Variants in ALG14 observed in about 807,000 individuals in gnomAD.
ALG14 encodes the protein ALG14 UDP-N-acetylglucosaminyltransferase subunit.
A neutral mutation model predicts 22.8 loss-of-function variants in ALG14; 17 were observed. That is an observed-to-expected ratio of 0.75 (90% CI 0.51 to 1.12). The LOEUF (loss-of-function observed/expected upper bound fraction) is 1.12, where lower values mean the gene tolerates loss of function less well. Ranked by LOEUF, ALG14 falls within the 50% of genes most tolerant of loss-of-function variation. The pLI, the probability that ALG14 is intolerant of heterozygous loss-of-function variation, is 0.00. For synonymous variants in ALG14, 89 were observed against 103.7 expected (o/e 0.86, Z 0.86); for missense variants, 288 against 271.8 (o/e 1.06, Z -0.42).
chr1:95,016,943 GT>G lies in ALG14; in HGVS notation c.420+10185del, dbSNP rs1361136509. Among the ~76,000 whole-genome samples, 30 of 4,454 alleles carry G rather than the reference GT, an allele frequency of 6.7e-3. 1 individual carries two copies. The highest frequency in any genetic ancestry group is 0.048 in the Admixed American group (21 of 438). 2.9% of individuals were successfully genotyped at this position (4,454 alleles called of 152,430 possible). ...CAGCCCTTGCAATTTTGCAAAAGGG[GT>G]GTGTGTGTGTGTGTGTGTGTGTGTG... On this transcript the variant is annotated intron_variant, in intron 3 of 3. Transcript: ENST00000370205.
intron 1 of ALG14, among the ~76,000 whole-genome samples, chr1:95,068,462 T>C (rs1292963249): frequency 1.3e-5 from 2 of 152,118 alleles, no homozygotes; most frequent in Non-Finnish European, 2.9e-5. Flanking sequence ...AATTTTTTTG[T>C]ATTTTTTAGT....
Position 95,063,466 on chromosome 1 carries a change from T to C in ALG14, c.288+1400A>G, listed in dbSNP as rs561189986. ...CTTTAATCCACCTTGAGTTAGTTTC[T>C]GTATAAAGTGTAAGGAAGGAATCCA... On this transcript the variant is annotated intron_variant, in intron 2 of 3. Transcript: ENST00000370205. Among the ~76,000 whole-genome samples the C allele has an allele frequency of 1.8e-4, 28 of 152,350 alleles. No individual in the cohort carries two copies. In the South Asian group the frequency reaches 4.6e-3, roughly 25 times the overall value.
chr1:95,063,476 G>A (rs1029422399), intron 2 of ALG14, among the ~76,000 whole-genome samples: 4 of 152,162 alleles, frequency 2.6e-5, no homozygotes, highest in South Asian at 2.1e-4. Flanking sequence ...TGTATAAAGT[G>A]TAAGGAAGGA....
chr1:95,032,100 C>T lies in ALG14; in HGVS notation c.289-4840G>A, dbSNP rs112561829. ...CTGGGATTACAGGCGTGATCCACTG[C>T]GCCTGGCCCTGGGCCAGGAACTTTA... is the stretch of plus-strand genomic sequence containing the variant. On this transcript the variant is annotated intron_variant, in intron 2 of 3. Transcript: ENST00000370205. Among the ~76,000 whole-genome samples the T allele has an allele frequency of 1.1e-4, 16 of 152,082 alleles. No individual in the cohort carries two copies. The East Asian group carries it at 1.7e-3, about 17-fold the overall frequency.
At position 95,037,335 on chromosome 1, in the gene ALG14, C is replaced by A. The variant is rs536734042; in HGVS notation, c.289-10075G>T. 1.8e-4 allele frequency among the ~76,000 whole-genome samples: 27 copies of A among 152,262 alleles called. No homozygotes were observed. In the South Asian group the frequency reaches 4.4e-3, roughly 25 times the overall value. ...AATCATTCCTGGCTACAATGATTAGCTGAAAGATGGGAGTATAACCCCACT... is the reference window on the plus strand; with the variant it reads ...AATCATTCCTGGCTACAATGATTAGATGAAAGATGGGAGTATAACCCCACT... On this transcript the variant is annotated intron_variant, in intron 2 of 3. Transcript: ENST00000370205.
At chr1:95,011,939 T>C (rs1673375894) in intron 3 of ALG14, among the ~76,000 whole-genome samples, 1 of 152,236 alleles carries the variant, frequency 6.6e-6, no homozygotes, top group Non-Finnish European at 1.5e-5. Flanking sequence ...TCTTGAATTG[T>C]AGCTCCTATA....
At chr1:95,065,094 C>A in intron 1 of ALG14, 77 bp from the exon 2 acceptor site, 2 of 1,341,620 alleles carry the variant, frequency 1.5e-6, no homozygotes, top group South Asian at 1.8e-5. Context: ...ATACCAATAT[C>A]ATGGTTTCAG....
chr1:95,061,138 A>G, intron 2 of ALG14, among the ~76,000 whole-genome samples: 1 of 152,158 alleles, frequency 6.6e-6, no homozygotes, highest in Non-Finnish European at 1.5e-5. Context: ...CGGAGGGAGT[A>G]TGGCCCCATG....
intron 1 of ALG14, 56 bp downstream of exon 1, chr1:95,072,707 A>T (rs1359934654): frequency 6.3e-7 from 1 of 1,597,018 alleles, no homozygotes; most frequent in Admixed American, 1.7e-5. Context: ...GTCGCGGTGC[A>T]CTCTGGGGTT....
chr1:95,025,277 T>C (rs1673779410), intron 3 of ALG14, among the ~76,000 whole-genome samples: 1 of 152,240 alleles, frequency 6.6e-6, no homozygotes, highest in Non-Finnish European at 1.5e-5. Flanking sequence ...GGAAGCTTTG[T>C]CTCTTGAGTA....
intron 2 of ALG14, among the ~76,000 whole-genome samples, chr1:95,057,288 A>C (rs867696021): frequency 6.6e-6 from 1 of 151,708 alleles, no homozygotes; most frequent in South Asian, 2.1e-4. Flanking sequence ...TGGGTTCTGC[A>C]TCTGTGGATT....
intron 2 of ALG14, among the ~76,000 whole-genome samples, chr1:95,058,900 C>T (rs1018098557): frequency 2.0e-5 from 3 of 151,836 alleles, no homozygotes; most frequent in African/African-American, 7.2e-5. Flanking sequence ...TTTTTTTCCT[C>T]TCATTCTTGA....
intron 3 of ALG14, among the ~76,000 whole-genome samples, chr1:95,011,877 T>TTA (rs1477401458): frequency 5.9e-5 from 9 of 152,230 alleles, no homozygotes; most frequent in African/African-American, 1.9e-4. Flanking sequence ...TTTTAATGAC[T>TTA]TAAAGTGATG....
At chr1:95,011,253 G>C (rs1673352230) in intron 3 of ALG14, among the ~76,000 whole-genome samples, 1 of 152,042 alleles carries the variant, frequency 6.6e-6, no homozygotes, top group South Asian at 2.1e-4. Flanking sequence ...AATAGGAGTA[G>C]TGCCTTATAA....
intron 3 of ALG14, among the ~76,000 whole-genome samples, chr1:94,989,145 A>G (rs1459473910): frequency 2.0e-5 from 3 of 151,892 alleles, no homozygotes; most frequent in Non-Finnish European, 4.4e-5. Flanking sequence ...ATTTAGGCTG[A>G]CTCCTTTTTT....
chr1:94,995,000 T>C (rs763632748), intron 3 of ALG14, among the ~76,000 whole-genome samples: 1 of 152,200 alleles, frequency 6.6e-6, no homozygotes, highest in Non-Finnish European at 1.5e-5. Context: ...TCAAAGTGAT[T>C]ATATAACTCC....
intron 2 of ALG14, among the ~76,000 whole-genome samples, chr1:95,061,275 T>C (rs1354031340): frequency 6.6e-6 from 1 of 152,180 alleles, no homozygotes; most frequent in Admixed American, 6.5e-5. Context: ...ACTAATACAG[T>C]ATTGATTCCT....
chr1:95,041,573 C>T (rs1012185422), intron 2 of ALG14: 1 of 150,288 alleles, frequency 6.7e-6, no homozygotes, highest in Non-Finnish European at 1.5e-5. Flanking sequence ...TATGATTGCA[C>T]CACTGCACCC....
chr1:94,983,362 C>A lies in ALG14; in HGVS notation c.421-56G>T. On this transcript the variant is annotated intron_variant, in intron 3 of 3. Transcript: ENST00000370205. Reference sequence around the variant, plus strand: ...ATACAGAATAATAATCTAAGGGAGGCATTTTGCATTAAGAACAGCCTGATT... The same window carrying A: ...ATACAGAATAATAATCTAAGGGAGGAATTTTGCATTAAGAACAGCCTGATT... 2.1e-6 allele frequency: 3 copies of A among 1,442,986 alleles called. No homozygotes were observed. The South Asian group carries it at 3.6e-5, about 18-fold the overall frequency. 89.4% of individuals were successfully genotyped at this position (1,442,986 alleles called of 1,614,324 possible).
Sources: gnomAD v4.1 joint callset for allele counts (sites outside exome capture counted in the v4.1 genomes callset) on GRCh38, gnomAD v4.1.1 for gene constraint, MANE v1.5 for transcripts, NCBI Gene and HGNC (gene_info 2026-07-23, HGNC 2026-07-21) for gene names.